CUBN: variants seen among roughly 807,000 people sequenced by gnomAD.
CUBN encodes cubilin.
Under a neutral mutation model 405.3 loss-of-function variants are expected in CUBN, and 282 were observed. The observed-to-expected ratio is 0.70, with a 90% CI of 0.63 to 0.77. CUBN has a LOEUF of 0.77. Among genes scored for constraint, CUBN ranks in the 30% least tolerant of loss-of-function variants. CUBN has a pLI of 0.00. For synonymous variants in CUBN, 1,684 were observed against 1,617.0 expected (o/e 1.04, Z -0.99); for missense variants, 4,514 against 4,475.2 (o/e 1.01, Z -0.25).
chr10:16,954,684 C>A, intron 31 of CUBN, 136 bp from the exon 32 acceptor site: 1 of 957,170 alleles, frequency 1.0e-6, no homozygotes, highest in South Asian at 1.4e-5. Context: ...GCTTTATTGT[C>A]CTTTCTCACA....
chr10:17,093,744 A>T (rs957351309), intron 14 of CUBN, among the ~76,000 whole-genome samples: 2 of 152,130 alleles, frequency 1.3e-5, no homozygotes, highest in Admixed American at 6.6e-5. Context: ...AACATTCCAG[A>T]TACTGAGGCT....
intron 14 of CUBN, among the ~76,000 whole-genome samples, chr10:17,096,411 T>C (rs1273864668): frequency 6.6e-6 from 1 of 152,130 alleles, no homozygotes; most frequent in African/African-American, 2.4e-5. Flanking sequence ...TAAATATATA[T>C]AACTTTCATT....
Position 16,937,781 on chromosome 10 carries a change from A to G in CUBN, c.5737T>C (p.Tyr1913His). 1 of 1,613,922 alleles carries G rather than the reference A, an allele frequency of 6.2e-7. No individual in the cohort carries two copies. Among genetic ancestry groups the G allele is most frequent in the Non-Finnish European group, 8.5e-7 (1 of 1,179,836 alleles). The change falls in exon 39 of 67, where the codon TAT becomes CAT. Residue 1913 changes from tyrosine (Y) to histidine (H), a missense_variant. Tyr to His is a moderately conservative substitution (Grantham distance 83). Around this residue, in one of 5 missense-constraint regions of CUBN, gnomAD observed 1,613 missense variants for 1,542.8 expected, o/e 1.05. Transcript: ENST00000377833. ...QNCYYDKLRI[Y>H]DGPSIHARLI... ...CGGGCGTGAATGCTAGGCCCATCATAGATCTGTACATAAAAACAGATAATA... is the reference window on the plus strand; with the variant it reads ...CGGGCGTGAATGCTAGGCCCATCATGGATCTGTACATAAAAACAGATAATA...
intron 22 of CUBN, among the ~76,000 whole-genome samples, chr10:17,051,448 GA>G (rs961161073): frequency 2.6e-5 from 4 of 151,676 alleles, no homozygotes; most frequent in African/African-American, 9.7e-5. Context: ...TCATAGTTGA[GA>G]AAAAAAATGT....
At chr10:16,916,738 T>C (rs968498542) in intron 45 of CUBN, among the ~76,000 whole-genome samples, 1 of 152,158 alleles carries the variant, frequency 6.6e-6, no homozygotes, top group African/African-American at 2.4e-5. Context: ...TAGTGAATCT[T>C]CAACCGCTCA....
chr10:17,116,378 G>A (rs183868772), intron 6 of CUBN, among the ~76,000 whole-genome samples: 20 of 152,298 alleles, frequency 1.3e-4, no homozygotes, highest in African/African-American at 4.3e-4. Flanking sequence ...GGGAGGAGGA[G>A]GGTAGAGGAG....
chr10:17,011,215 G>C (rs2131762119), intron 28 of CUBN, among the ~76,000 whole-genome samples: 1 of 152,296 alleles, frequency 6.6e-6, no homozygotes, highest in East Asian at 1.9e-4. Flanking sequence ...CCTTCTGGTG[G>C]GTTCTTGGTC....
intron 47 of CUBN, among the ~76,000 whole-genome samples, chr10:16,914,427 C>T (rs1841824704): frequency 1.3e-5 from 2 of 151,968 alleles, no homozygotes; most frequent in Admixed American, 1.3e-4. Context: ...GGCGTCGTGG[C>T]GTGCGCCTGT....
chr10:16,966,409 T>C (rs1843392257), intron 31 of CUBN, among the ~76,000 whole-genome samples: 1 of 152,086 alleles, frequency 6.6e-6, no homozygotes, highest in Non-Finnish European at 1.5e-5. Flanking sequence ...CATTCTCTGG[T>C]CTAGTGTGGC....
At chr10:16,999,482 A>G (rs921876671) in intron 28 of CUBN, among the ~76,000 whole-genome samples, 1 of 152,228 alleles carries the variant, frequency 6.6e-6, no homozygotes. Context: ...CTTGCTTACA[A>G]TTCTTCAGGA....
chr10:17,031,200 G>A (rs977674128), intron 27 of CUBN, among the ~76,000 whole-genome samples: 1 of 152,092 alleles, frequency 6.6e-6, no homozygotes, highest in Non-Finnish European at 1.5e-5. Context: ...AAAACAAGAG[G>A]AAAATTAAAT....
chr10:16,906,089 G>C, intron 50 of CUBN, 114 bp downstream of exon 50: 1 of 855,668 alleles, frequency 1.2e-6, no homozygotes, highest in Non-Finnish European at 1.9e-6. Context: ...ACTCCAGTCC[G>C]GGCAAGAGAG....
At chr10:16,943,831 C>G (rs1050924730) in intron 36 of CUBN, among the ~76,000 whole-genome samples, 2 of 152,156 alleles carry the variant, frequency 1.3e-5, no homozygotes, top group Non-Finnish European at 2.9e-5. Flanking sequence ...AAGGTCTTTT[C>G]TAAGTACTTG....
At chr10:16,906,491 C>A in intron 49 of CUBN, 82 bp from the exon 50 acceptor site, 1 of 964,196 alleles carries the variant, frequency 1.0e-6, no homozygotes, top group Non-Finnish European at 1.7e-6. Context: ...GGAACAGTAA[C>A]TAAAACATCA....
chr10:16,844,682 G>A (rs1839460186), intron 60 of CUBN, among the ~76,000 whole-genome samples: 1 of 152,154 alleles, frequency 6.6e-6, no homozygotes, highest in Non-Finnish European at 1.5e-5. Context: ...AATAGCTTGT[G>A]GCCTCGGGAT....
At chr10:17,117,172 C>A (rs1285663993) in intron 6 of CUBN, among the ~76,000 whole-genome samples, 1 of 151,910 alleles carries the variant, frequency 6.6e-6, no homozygotes, top group African/African-American at 2.4e-5. Flanking sequence ...CTTTCCTTCT[C>A]ATATTGTTTT....
intron 40 of CUBN, among the ~76,000 whole-genome samples, chr10:16,930,730 G>A (rs540008594): frequency 1.3e-5 from 2 of 152,256 alleles, no homozygotes; most frequent in South Asian, 4.2e-4. Flanking sequence ...CAGTGACTCA[G>A]TTCTCCCAAG....
At chr10:16,900,568 G>A (rs1187125373) in intron 53 of CUBN, 57 bp downstream of exon 53, 1 of 1,266,880 alleles carries the variant, frequency 7.9e-7, no homozygotes, top group Non-Finnish European at 1.2e-6. Flanking sequence ...TACATATTAT[G>A]AGTTCATACT....
At chr10:16,836,871 C>T (rs1018068827) in intron 62 of CUBN, among the ~76,000 whole-genome samples, 1 of 152,174 alleles carries the variant, frequency 6.6e-6, no homozygotes. Context: ...TCATGAGGTA[C>T]CGGTTCCCCT....
Sources: gnomAD v4.1 joint callset for allele counts (sites outside exome capture counted in the v4.1 genomes callset) on GRCh38, gnomAD v4.1.1 for gene constraint, gnomAD v4.1.1 regional missense constraint, MANE v1.5 for transcripts, NCBI Gene and HGNC (gene_info 2026-07-23, HGNC 2026-07-21) for gene names.